Variants in TRARG1 observed in about 807,000 individuals in gnomAD.
TRARG1 encodes the protein trafficking regulator of GLUT4 1.
Under a neutral mutation model 13.3 loss-of-function variants are expected in TRARG1, and 16 were observed. The observed-to-expected ratio is 1.20, with a 90% CI of 0.81 to 1.83. The LOEUF is 1.83. Ranked by LOEUF, TRARG1 falls within the 40% of genes most tolerant of loss-of-function variation. TRARG1 has a pLI of 0.00. For missense variants in TRARG1, 250 were observed against 237.4 expected (o/e 1.05, Z -0.35); for synonymous variants, 113 against 106.2 (o/e 1.06, Z -0.39).
chr17:1,298,109 G>A, intron 2 of TRARG1, 142 bp from the exon 3 acceptor site: 1 of 933,868 alleles, frequency 1.1e-6, no homozygotes, highest in Non-Finnish European at 1.6e-6. Context: ...CCAAACCAAA[G>A]AGGTTCCCAA....
Position 1,295,001 on chromosome 17 carries a change from T to TGGA in TRARG1, c.388-487_388-485dup, listed in dbSNP as rs535497824. 2.3e-4 allele frequency among the ~76,000 whole-genome samples: 35 copies of TGGA among 152,228 alleles called. No homozygotes were observed. In the East Asian group the frequency reaches 6.8e-3, roughly 29 times the overall value. ...GCCCGGCTGACAATGTCTCTTTTTA[T>TGGA]GGAGGCAGGGGTGGGGGGTGCTTAC... On this transcript the variant is annotated intron_variant, in intron 1 of 2. Coordinates refer to ENST00000333813, the MANE Select transcript of TRARG1 (RefSeq NM_172367.3).
chr17:1,281,100 G>GCATGGGGCCGGGTCTGTA, intron 1 of TRARG1, among the ~76,000 whole-genome samples: 1 of 152,216 alleles, frequency 6.6e-6, no homozygotes, highest in Non-Finnish European at 1.5e-5. Flanking sequence ...CCAGGAAGGG[G>GCATGGGGCCGGGTCTGTA]CATGGGGCCG....
chr17:1,298,200 G>A, intron 2 of TRARG1, 51 bp from the exon 3 acceptor site: 1 of 1,612,350 alleles, frequency 6.2e-7, no homozygotes, highest in Non-Finnish European at 8.5e-7. Context: ...GGGACTTGAA[G>A]AGCCAGTGTT....
Position 1,298,359 on chromosome 17 carries a change from G to A in TRARG1, c.*95G>A. 4.3e-6 allele frequency: 6 copies of A among 1,389,198 alleles called. No homozygotes were observed. The highest frequency in any genetic ancestry group is 5.0e-6 in the Non-Finnish European group (5 of 1,003,234). 86.1% of individuals were successfully genotyped at this position (1,389,198 alleles called of 1,614,324 possible). A position where few individuals can be genotyped will look rare whatever the true frequency, so the allele number is the denominator to read the frequency against. On this transcript the variant is annotated 3_prime_UTR_variant, in exon 3 of 3. Coordinates refer to ENST00000333813, the MANE Select transcript of TRARG1 (RefSeq NM_172367.3). Reference sequence around the variant, plus strand: ...GGGAGGCCAGGGTGCTGACTGTCAAGCATCCCCTGTCCCCAAGTTCCAAAA... The same window carrying A: ...GGGAGGCCAGGGTGCTGACTGTCAAACATCCCCTGTCCCCAAGTTCCAAAA...
At position 1,294,560 on chromosome 17, in the gene TRARG1, G is replaced by A. The variant is rs1373762965; in HGVS notation, c.388-931G>A. 3.8e-4 allele frequency among the ~76,000 whole-genome samples: 56 copies of A among 146,538 alleles called. 2 individuals carry two copies. Among genetic ancestry groups the A allele is most frequent in the Non-Finnish European group, 1.2e-4 (8 of 67,382 alleles). On this transcript the variant is annotated intron_variant, in intron 1 of 2. Coordinates refer to ENST00000333813, the MANE Select transcript of TRARG1 (RefSeq NM_172367.3). ...TGGCTCACTGCAACCTCCACCTCTG[G>A]GGTTCAAGCAATTCTCCTGCATCAG...
intron 2 of TRARG1, 66 bp downstream of exon 2, chr17:1,295,689 A>T: frequency 6.6e-7 from 1 of 1,505,326 alleles, no homozygotes; most frequent in Non-Finnish European, 8.9e-7. Context: ...TCAAGGGTGT[A>T]CCCAGCCTCA....
At chr17:1,291,323 C>A (rs2072067907) in intron 1 of TRARG1, among the ~76,000 whole-genome samples, 1 of 152,210 alleles carries the variant, frequency 6.6e-6, no homozygotes, top group Non-Finnish European at 1.5e-5. Context: ...GTTGGCCAGG[C>A]TGGTCTTAAA....
intron 1 of TRARG1, among the ~76,000 whole-genome samples, chr17:1,294,689 CTCT>C (rs2072098141): frequency 1.1e-5 from 1 of 93,420 alleles, no homozygotes; most frequent in East Asian, 3.4e-4. Context: ...TGGTCTCAAA[CTCT>C]TTTTTTTTTT....
At chr17:1,286,759 T>C (rs1360978958) in intron 1 of TRARG1, among the ~76,000 whole-genome samples, 1 of 147,582 alleles carries the variant, frequency 6.8e-6, no homozygotes, top group African/African-American at 2.5e-5. Context: ...TGGGGTGTTA[T>C]CAGCCTGTGG....
At chr17:1,295,658 C>A (rs770566149) in intron 2 of TRARG1, 35 bp downstream of exon 2, 1 of 1,592,502 alleles carries the variant, frequency 6.3e-7, no homozygotes, top group South Asian at 1.1e-5. Context: ...AGGAAGCCAG[C>A]TTGCCTGGTG....
At chr17:1,281,005 G>T (rs541253513) in intron 1 of TRARG1, among the ~76,000 whole-genome samples, 3 of 152,206 alleles carry the variant, frequency 2.0e-5, no homozygotes, top group African/African-American at 7.2e-5. Flanking sequence ...CCACAGCTAC[G>T]CTGACTTCAG....
Position 1,280,014 on chromosome 17 carries a change from G to T in TRARG1, c.13G>T (p.Val5Leu). Residue 5 changes from valine to leucine, a missense_variant, in exon 1 of 3, where the codon GTG becomes TTG. Transcript: ENST00000333813. The stretch of plus-strand genomic sequence containing the variant: ...GGCCCAGGCCCCCATGGCCCACCCG[G>T]TGCAGTCCGAGTTTCCTTCAGCACA... The part of the protein sequence containing the change: MAHP[V>L]QSEFPSAQEP... 6.2e-7 allele frequency: 1 copy of T among 1,612,082 alleles called. No homozygotes were observed.
chr17:1,292,066 G>A (rs1016018811), intron 1 of TRARG1, among the ~76,000 whole-genome samples: 4 of 152,150 alleles, frequency 2.6e-5, no homozygotes, highest in African/African-American at 9.7e-5. Context: ...TACTTGGGAG[G>A]CTGAGGCAGG....
At chr17:1,291,192 C>G (rs960998662) in intron 1 of TRARG1, among the ~76,000 whole-genome samples, 5 of 151,824 alleles carry the variant, frequency 3.3e-5, no homozygotes, top group Non-Finnish European at 5.9e-5. Context: ...CTCACTGCAA[C>G]TTCCGCCTCC....
chr17:1,284,300 T>C (rs749812060), intron 1 of TRARG1, among the ~76,000 whole-genome samples: 76 of 152,236 alleles, frequency 5.0e-4, no homozygotes, highest in Non-Finnish European at 6.5e-4. Flanking sequence ...CCTGTGTTCC[T>C]GGCCTCGTTC....
chr17:1,282,610 C>A (rs1189148682), intron 1 of TRARG1, among the ~76,000 whole-genome samples: 1 of 151,566 alleles, frequency 6.6e-6, no homozygotes, highest in African/African-American at 2.4e-5. Flanking sequence ...ACCTCGTGAT[C>A]CACCCACCTC....
chr17:1,282,285 C>CGTATATGTACGTATATGTACATATGCGT (rs1555630866), intron 1 of TRARG1, among the ~76,000 whole-genome samples: 19 of 136,830 alleles, frequency 1.4e-4, no homozygotes, highest in Admixed American at 4.6e-4. Context: ...CGTATATGTA[C>CGTATATGTACGTATATGTACATATGCGT]ATATATGTAC....
intron 1 of TRARG1, among the ~76,000 whole-genome samples, chr17:1,286,065 G>C (rs1253646230): frequency 6.6e-6 from 1 of 152,226 alleles, no homozygotes; most frequent in African/African-American, 2.4e-5. Context: ...TGAGGTCCTG[G>C]AAGCAGTGGA....
intron 1 of TRARG1, among the ~76,000 whole-genome samples, chr17:1,292,506 C>G (rs1037956884): frequency 2.0e-5 from 3 of 152,174 alleles, no homozygotes; most frequent in Non-Finnish European, 4.4e-5. Flanking sequence ...TCTGTGCCTC[C>G]CCATCCTCCC....
Sources: gnomAD v4.1 joint callset for allele counts (sites outside exome capture counted in the v4.1 genomes callset) on GRCh38, gnomAD v4.1.1 for gene constraint, MANE v1.5 for transcripts, NCBI Gene and HGNC (gene_info 2026-07-23, HGNC 2026-07-21) for gene names.